The following PLCD4 variants were observed in gnomAD, a reference collection of about 807,000 sequenced individuals.
PLCD4 encodes the protein phospholipase C delta 4, also known as 1-phosphatidylinositol 4,5-bisphosphate phosphodiesterase delta-4.
A neutral mutation model predicts 90.2 loss-of-function variants in PLCD4; 63 were observed. That is an observed-to-expected ratio of 0.70 (90% CI 0.57 to 0.86). The LOEUF is 0.86. PLCD4 is among the 40% of genes least tolerant of loss of function. PLCD4 has a pLI of 0.00. For missense variants in PLCD4, 830 were observed against 956.3 expected (o/e 0.87, Z 1.74); for synonymous variants, 294 against 356.5 (o/e 0.82, Z 1.97).
In PLCD4 at chr2:218,634,191, C is replaced by T. The variant is rs1336111654; in HGVS notation, c.1693C>T (p.Gln565Ter). 1 of 1,611,686 alleles carries T rather than the reference C, an allele frequency of 6.2e-7. No homozygotes were observed. Among genetic ancestry groups the T allele is most frequent in the African/African-American group, 1.3e-5 (1 of 74,906 alleles). ...LRTDSSNYNPQELWNAGCQMV... is the reference protein window; with the variant it reads ...LRTDSSNYNP ...GACAGACTCTTCCAACTACAACCCC[C>T]AGGAACTCTGGAATGCAGGCTGCCA... Residue 565 changes from glutamine to a stop codon, truncating the protein, a stop_gained, in exon 12 of 16, where the codon CAG becomes TAG. Transcript: ENST00000450993. LOFTEE classifies it high-confidence loss of function. The surrounding 1 kb of genome is among the most constrained non-coding windows in gnomAD (Gnocchi z 4.0).
chr2:218,613,392 C>CAAAAAAAAAAAAAAAAAAAACAAAAA (rs1695432597), intron 1 of PLCD4, among the ~76,000 whole-genome samples: 1 of 76,822 alleles, frequency 1.3e-5, no homozygotes, highest in Non-Finnish European at 2.4e-5. Flanking sequence ...AGTCTGTCTC[C>CAAAAAAAAAAAAAAAAAAAACAAAAA]AAAAAAAAAA....
At chr2:218,633,560 A>T (rs986113065) in intron 10 of PLCD4, 45 bp from the exon 11 acceptor site, 27 of 1,592,246 alleles carry the variant, frequency 1.7e-5, no homozygotes, top group Non-Finnish European at 2.3e-5. Flanking sequence ...CTTCTCTCTC[A>T]GACTGCTGAG....
intron 1 of PLCD4, among the ~76,000 whole-genome samples, chr2:218,612,415 C>T (rs2106116730): frequency 6.6e-6 from 1 of 152,304 alleles, no homozygotes; most frequent in South Asian, 2.1e-4. Flanking sequence ...GAAATTGTTT[C>T]CTGACAGACT....
chr2:218,625,286 C>G (rs1318509905), intron 6 of PLCD4, among the ~76,000 whole-genome samples: 1 of 147,180 alleles, frequency 6.8e-6, no homozygotes, highest in Non-Finnish European at 1.5e-5. Flanking sequence ...AACATCAGTC[C>G]AAGACTCTGT....
chr2:218,615,796 TAGTGTAC>T, intron 2 of PLCD4, 35 bp downstream of exon 2: 4 of 1,603,118 alleles, frequency 2.5e-6, no homozygotes, highest in Non-Finnish European at 3.4e-6. Context: ...GAAGAGGCCT[TAGTGTAC>T]AGCTCAGGGA....
intron 6 of PLCD4, among the ~76,000 whole-genome samples, chr2:218,627,507 G>A (rs1281895068): frequency 1.3e-5 from 2 of 151,796 alleles, no homozygotes; most frequent in East Asian, 3.9e-4. Flanking sequence ...GGATAGCACT[G>A]GACTCAAATG....
chr2:218,618,533 GT>G, intron 3 of PLCD4, 45 bp from the exon 4 acceptor site: 1 of 1,549,568 alleles, frequency 6.5e-7, no homozygotes, highest in Non-Finnish European at 8.9e-7. Context: ...CCTGCTATTT[GT>G]TGGAATCCCT....
intron 1 of PLCD4, 107 bp from the exon 2 acceptor site, chr2:218,615,600 C>G (rs1403769440): frequency 1.8e-5 from 16 of 866,858 alleles, no homozygotes; most frequent in Non-Finnish European, 2.8e-5. Flanking sequence ...GGTTTCTAAA[C>G]CTATCTAAAG....
In PLCD4 at chr2:218,635,894, C is replaced by CA. The variant is rs1559279412; in HGVS notation, c.1996dup (p.Thr666AsnfsTer15). 1.2e-6 allele frequency: 2 copies of CA among 1,614,008 alleles called. No homozygotes were observed. The highest frequency in any genetic ancestry group is 2.2e-5 in the South Asian group (2 of 91,082). Reference sequence around the variant, plus strand: ...TGCAGATCTTTGGCGTTCGTCTAGACACAGCACGGCAGGAGACCAACTATG... The same window carrying CA: ...TGCAGATCTTTGGCGTTCGTCTAGACAACAGCACGGCAGGAGACCAACTATG... On this transcript the variant is annotated frameshift_variant, in exon 14 of 16. Coordinates refer to ENST00000450993, the MANE Select transcript of PLCD4 (RefSeq NM_032726.4). LOFTEE classifies it high-confidence loss of function.
At chr2:218,619,287 A>ATGT (rs1695767501) in intron 4 of PLCD4, among the ~76,000 whole-genome samples, 2 of 119,172 alleles carry the variant, frequency 1.7e-5, no homozygotes, top group African/African-American at 5.4e-5. Context: ...ATATATATAT[A>ATGT]TATGTTTTGT....
At chr2:218,629,814 T>C (rs939879637) in intron 8 of PLCD4, among the ~76,000 whole-genome samples, 151 bp downstream of exon 8, 1 of 152,178 alleles carries the variant, frequency 6.6e-6, no homozygotes, top group Non-Finnish European at 1.5e-5. Flanking sequence ...TAAAGGCTGA[T>C]TATGAATAAG....
chr2:218,636,410 G>A lies in PLCD4; in HGVS notation c.2182+18G>A, dbSNP rs2278530. The A allele has an allele frequency of 0.58, 940,386 of 1,613,546 alleles. 276,810 individuals carry two copies. Among genetic ancestry groups the A allele is most frequent in the East Asian group, 0.82 (36,980 of 44,852 alleles). On this transcript the variant is annotated intron_variant, in intron 15 of 15. Transcript: ENST00000450993. ...GCAACAAGGTGAGCCAGCCCCTTTG[G>A]CCCCTGGCCAATACCCCAGCTCTGG...
At position 218,636,407 on chromosome 2, in the gene PLCD4, T is replaced by C. The variant is rs1198733565; in HGVS notation, c.2182+15T>C. 7.4e-6 allele frequency: 12 copies of C among 1,613,868 alleles called. No homozygotes were observed. The highest frequency in any genetic ancestry group is 3.3e-4 in the Middle Eastern group (2 of 6,084). On this transcript the variant is annotated intron_variant, in intron 15 of 15. Coordinates refer to ENST00000450993, the MANE Select transcript of PLCD4 (RefSeq NM_032726.4). ...CATGCAACAAGGTGAGCCAGCCCCTTTGGCCCCTGGCCAATACCCCAGCTC... is the reference window on the plus strand; with the variant it reads ...CATGCAACAAGGTGAGCCAGCCCCTCTGGCCCCTGGCCAATACCCCAGCTC...
At position 218,630,668 on chromosome 2, in the gene PLCD4, A is replaced by G; in HGVS notation, c.1138A>G (p.Ile380Val). 6.2e-7 allele frequency: 1 copy of G among 1,613,932 alleles called. No individual in the cohort carries two copies. The highest frequency in any genetic ancestry group is 1.3e-5 in the African/African-American group (1 of 74,938). Reference protein sequence around the residue: ...YAFQTSDYPVILSLETHCSWE... With the variant: ...YAFQTSDYPVVLSLETHCSWE... ...CCACCAGACATCAGACTACCCAGTC[A>G]TCTTGTCCCTGGAGACCCACTGCAG... The change falls in exon 9 of 16, where the codon ATC (isoleucine) becomes GTC (valine). Residue 380 changes from isoleucine (I) to valine (V), a missense_variant. By Grantham distance (29) the Ile-to-Val change is conservative (BLOSUM62 3). Transcript: ENST00000450993.
At chr2:218,635,775 A>G in intron 13 of PLCD4, 21 bp from the exon 14 acceptor site, 1 of 1,607,358 alleles carries the variant, frequency 6.2e-7, no homozygotes, top group Middle Eastern at 1.7e-4. Context: ...AACTTGTGAG[A>G]TTCCAGAGCC....
Position 218,632,220 on chromosome 2 carries a change from G to A in PLCD4, c.1357G>A (p.Glu453Lys), listed in dbSNP as rs761831959. The A allele has an allele frequency of 1.3e-5, 21 of 1,611,264 alleles. No homozygotes were observed. The Admixed American group carries it at 3.5e-4, about 27-fold the overall frequency. The change falls in exon 10 of 16, where the codon GAG (glutamate) becomes AAG (lysine). Residue 453 changes from glutamate to lysine, a missense_variant. Transcript: ENST00000450993. ...ATATGAGGAAGAGGAAGCAGAACCT[G>A]AGTTGGAAGAGTCAGAATTGGCGCT... ...LEYEEEEAEP[E>K]LEESELALES...
intron 10 of PLCD4, 118 bp downstream of exon 10, chr2:218,632,430 C>A: frequency 9.9e-7 from 1 of 1,012,010 alleles, no homozygotes; most frequent in Non-Finnish European, 1.4e-6. Context: ...ACCCTTCCTC[C>A]CAATGAAGGA....
chr2:218,617,058 G>C (rs1358296890), intron 3 of PLCD4, among the ~76,000 whole-genome samples: 1 of 139,410 alleles, frequency 7.2e-6, no homozygotes. Context: ...TCCGCCTTCC[G>C]GGTTCACGCC....
At chr2:218,619,590 G>A (rs1187591126) in intron 4 of PLCD4, among the ~76,000 whole-genome samples, 1 of 151,824 alleles carries the variant, frequency 6.6e-6, no homozygotes, top group Non-Finnish European at 1.5e-5. Flanking sequence ...ACCACACCCG[G>A]CCAGTGGTAC....
Sources: gnomAD v4.1 joint callset for allele counts (sites outside exome capture counted in the v4.1 genomes callset) on GRCh38, gnomAD v4.1.1 for gene constraint, Gnocchi (gnomAD v3.1) non-coding constraint, MANE v1.5 for transcripts, NCBI Gene and HGNC (gene_info 2026-07-23, HGNC 2026-07-21) for gene names.